PCDHGB5: variants seen among roughly 807,000 people sequenced by gnomAD.
PCDHGB5 encodes the protein protocadherin gamma subfamily B, 5, also known as protocadherin gamma-B5.
Under a neutral mutation model 62.9 loss-of-function variants are expected in PCDHGB5, and 48 were observed. The ratio of observed to expected loss-of-function variants is 0.76; its 90% CI spans 0.61 to 0.97. The LOEUF (loss-of-function observed/expected upper bound fraction) is 0.97, where lower values mean the gene tolerates loss of function less well. Ranked by LOEUF, PCDHGB5 falls within the 50% of genes least tolerant of loss-of-function variation. The pLI is 0.00. For synonymous variants in PCDHGB5, 474 were observed against 511.2 expected, an observed-to-expected ratio of 0.93 and a Z score of 0.98; for missense variants, 1,118 against 1,198.6, an observed-to-expected ratio of 0.93 and a Z score of 0.99.
At chr5:141,433,123 C>T (rs575738328) in intron 1 of PCDHGB5, 5 of 1,614,116 alleles carry the variant, frequency 3.1e-6, no homozygotes, top group African/African-American at 2.7e-5. Context: ...TTGAAAAAAG[C>T]GAGCCCCTTT....
chr5:141,400,645 G>A, intron 1 of PCDHGB5, 121 bp downstream of exon 1: 1 of 1,239,756 alleles, frequency 8.1e-7, no homozygotes, highest in Non-Finnish European at 1.2e-6. Context: ...TGCTCAGAAA[G>A]CTGTCCTACC....
At chr5:141,410,012 C>T (rs1256228205) in intron 1 of PCDHGB5, 24 of 1,613,212 alleles carry the variant, frequency 1.5e-5, no homozygotes, top group Non-Finnish European at 2.0e-5. Context: ...CAACGCCTGG[C>T]TGTCCTACCA....
chr5:141,489,894 G>T lies in PCDHGB5; in HGVS notation c.2398-4913G>T. 1.2e-6 allele frequency: 2 copies of T among 1,614,204 alleles called. No homozygotes were observed. Among genetic ancestry groups the T allele is most frequent in the Non-Finnish European group, 1.7e-6 (2 of 1,180,028 alleles). The stretch of plus-strand genomic sequence containing the variant: ...TGGTGCTTACTGCTGTGGATGGGGG[G>T]ACCCCAGCCCGCTCAGGGACCACCC... On this transcript the variant is annotated intron_variant, in intron 1 of 3. Transcript: ENST00000617380. The surrounding 1 kb of genome is among the most constrained non-coding windows in gnomAD (Gnocchi z 4.5).
chr5:141,488,565 C>A (rs1308485284), intron 1 of PCDHGB5, among the ~76,000 whole-genome samples: 1 of 152,174 alleles, frequency 6.6e-6, no homozygotes, highest in Non-Finnish European at 1.5e-5. Flanking sequence ...GAGATTTCCG[C>A]AAAGCATTGC....
chr5:141,450,592 T>G (rs1403924348), intron 1 of PCDHGB5, among the ~76,000 whole-genome samples: 1 of 151,838 alleles, frequency 6.6e-6, no homozygotes, highest in Non-Finnish European at 1.5e-5. Context: ...GTTCAAGCAA[T>G]TCTCCTGCCT....
chr5:141,411,285 A>C (rs2095477948), intron 1 of PCDHGB5: 1 of 152,218 alleles, frequency 6.6e-6, no homozygotes, highest in South Asian at 2.1e-4. Flanking sequence ...AAAAATATTC[A>C]GAAGACAGGC....
At position 141,400,743 on chromosome 5, in the gene PCDHGB5, C is replaced by T. The variant is rs1404866842; in HGVS notation, c.2397+219C>T. 6.5e-6 allele frequency: 4 copies of T among 611,214 alleles called. No individual in the cohort carries two copies. In the East Asian group the frequency reaches 1.1e-4, roughly 17 times the overall value. 37.9% of individuals were successfully genotyped at this position (611,214 alleles called of 1,614,324 possible). A position where few individuals can be genotyped will look rare whatever the true frequency, so the allele number is the denominator to read the frequency against. On this transcript the variant is annotated intron_variant, in intron 1 of 3. Coordinates refer to ENST00000617380, the MANE Select transcript of PCDHGB5 (RefSeq NM_018925.3). ...ATTTACAAAGTAGTGAGAGTTTGCTCTTAGCTTCCTCTCTAGCAAAAACAT... is the reference window on the plus strand; with the variant it reads ...ATTTACAAAGTAGTGAGAGTTTGCTTTTAGCTTCCTCTCTAGCAAAAACAT...
At chr5:141,495,089 C>G (rs1440289878) in intron 2 of PCDHGB5, among the ~76,000 whole-genome samples, 2 of 152,284 alleles carry the variant, frequency 1.3e-5, no homozygotes, top group East Asian at 3.9e-4. Flanking sequence ...TGCCCCTTCC[C>G]TCCTCGCCAC....
Position 141,486,092 on chromosome 5 carries a change from C to G in PCDHGB5, c.2398-8715C>G. ...TACTGGAAAGCTTACTCTTTTGGGG[C>G]CCCTAGACTTTGAGAGTGAGAATTA... On this transcript the variant is annotated intron_variant, in intron 1 of 3. Transcript: ENST00000617380. The surrounding 1 kb of genome is among the most constrained non-coding windows in gnomAD (Gnocchi z 5.0). The G allele has an allele frequency of 6.2e-7, 1 of 1,614,148 alleles. No individual in the cohort carries two copies. Among genetic ancestry groups the G allele is most frequent in the South Asian group, 1.1e-5 (1 of 91,080 alleles).
intron 1 of PCDHGB5, among the ~76,000 whole-genome samples, chr5:141,456,538 A>T (rs1010588747): frequency 7.2e-5 from 11 of 152,184 alleles, no homozygotes; most frequent in Admixed American, 3.3e-4. Context: ...TTAAAGAGGG[A>T]TTGTAGCCAC....
chr5:141,417,791 C>G, intron 1 of PCDHGB5: 1 of 1,482,658 alleles, frequency 6.7e-7, no homozygotes, highest in Non-Finnish European at 9.0e-7. Context: ...GCCGAATGCT[C>G]TTTTAGCGCG....
chr5:141,428,167 G>GCGTGA (rs746443726), intron 1 of PCDHGB5: 3 of 1,548,998 alleles, frequency 1.9e-6, no homozygotes, highest in South Asian at 1.1e-5. Context: ...TGGTTGCTGT[G>GCGTGA]CGTGACGGAG....
intron 1 of PCDHGB5, among the ~76,000 whole-genome samples, chr5:141,434,021 C>A (rs1023145172): frequency 2.0e-5 from 3 of 152,052 alleles, no homozygotes; most frequent in Admixed American, 2.0e-4. Context: ...TTCTATGATT[C>A]TGGAAGCATG....
At chr5:141,403,876 T>A (rs1189942027) in intron 1 of PCDHGB5, 3 of 1,613,702 alleles carry the variant, frequency 1.9e-6, no homozygotes, top group African/African-American at 1.3e-5. Flanking sequence ...AAAGTCTAGA[T>A]TATGAAGAAT....
Position 141,477,650 on chromosome 5 carries a change from A to C in PCDHGB5, c.2398-17157A>C. The C allele has an allele frequency of 6.2e-7, 1 of 1,614,210 alleles. No homozygotes were observed. Among genetic ancestry groups the C allele is most frequent in the Non-Finnish European group, 8.5e-7 (1 of 1,180,036 alleles). On this transcript the variant is annotated intron_variant, in intron 1 of 3. Coordinates refer to ENST00000617380, the MANE Select transcript of PCDHGB5 (RefSeq NM_018925.3). The surrounding 1 kb of genome is among the most constrained non-coding windows in gnomAD (Gnocchi z 4.9). The stretch of plus-strand genomic sequence containing the variant: ...CGGGCTAGTGGGTCGCTATTTCACA[A>C]TAAATCGTGACAATGGCATAGTGTC...
intron 1 of PCDHGB5, among the ~76,000 whole-genome samples, chr5:141,484,544 A>G (rs1160398392): frequency 6.6e-6 from 1 of 152,144 alleles, no homozygotes; most frequent in Non-Finnish European, 1.5e-5. Flanking sequence ...CAGTGGTTCT[A>G]ATTAGCAGTT....
At chr5:141,454,483 C>T (rs1434684795) in intron 1 of PCDHGB5, among the ~76,000 whole-genome samples, 9 of 151,684 alleles carry the variant, frequency 5.9e-5, no homozygotes, top group African/African-American at 9.7e-5. Flanking sequence ...CTCAGCTCAC[C>T]GCAACCTCCA....
intron 1 of PCDHGB5, among the ~76,000 whole-genome samples, chr5:141,461,126 T>C (rs575819058): frequency 6.6e-6 from 1 of 152,260 alleles, no homozygotes; most frequent in Non-Finnish European, 1.5e-5. Flanking sequence ...TTTCATATAA[T>C]TACTTATTTT....
intron 1 of PCDHGB5, chr5:141,441,104 T>C (rs1158565054): frequency 6.6e-6 from 1 of 152,204 alleles, no homozygotes; most frequent in Non-Finnish European, 1.5e-5. Flanking sequence ...GAGGGACTCA[T>C]TGTCCAGTGT....
Sources: gnomAD v4.1 joint callset for allele counts (sites outside exome capture counted in the v4.1 genomes callset) on GRCh38, gnomAD v4.1.1 for gene constraint, Gnocchi (gnomAD v3.1) non-coding constraint, MANE v1.5 for transcripts, NCBI Gene and HGNC (gene_info 2026-07-23, HGNC 2026-07-21) for gene names.